Variants in TENM4 observed in about 807,000 individuals in gnomAD.
TENM4 encodes the protein teneurin transmembrane protein 4.
A neutral mutation model predicts 243.3 loss-of-function variants in TENM4; 82 were observed. The observed-to-expected ratio is 0.34, with a 90% confidence interval of 0.28 to 0.40. The LOEUF is 0.40. Ranked by LOEUF, TENM4 falls within the 10% of genes least tolerant of loss-of-function variation. TENM4 has a pLI of 1.00. For synonymous variants in TENM4, 1,412 were observed against 1,456.3 expected (o/e 0.97, Z 0.69); for missense variants, 3,138 against 3,673.3 (o/e 0.85, Z 3.77).
chr11:79,283,689 T>C (rs1357863221), intron 2 of TENM4, among the ~76,000 whole-genome samples: 4 of 152,234 alleles, frequency 2.6e-5, no homozygotes, highest in African/African-American at 4.8e-5. Context: ...CTTTGAATAC[T>C]GTACTGGAGG....
intron 33 of TENM4, among the ~76,000 whole-genome samples, chr11:78,660,006 C>T (rs946566866): frequency 6.6e-6 from 1 of 152,242 alleles, no homozygotes; most frequent in Non-Finnish European, 1.5e-5. Flanking sequence ...ATCTCCGATG[C>T]TTGCCAAGGG....
intron 1 of TENM4, among the ~76,000 whole-genome samples, chr11:79,371,443 A>G (rs1344001762): frequency 6.6e-6 from 1 of 152,142 alleles, no homozygotes; most frequent in African/African-American, 2.4e-5. Context: ...CACCTCTACC[A>G]GTTTGGGATA....
At chr11:79,173,974 T>A (rs1056339537) in intron 3 of TENM4, among the ~76,000 whole-genome samples, 17 of 152,242 alleles carry the variant, frequency 1.1e-4, no homozygotes, top group Non-Finnish European at 2.2e-4. Flanking sequence ...TGAAAACAGA[T>A]GGCCTTTTTG....
In TENM4 at chr11:79,343,368, T is replaced by C. The variant is rs561734981; in HGVS notation, c.-320-45825A>G. 8.5e-5 allele frequency among the ~76,000 whole-genome samples: 13 copies of C among 152,328 alleles called. No homozygotes were observed. In the South Asian group the frequency reaches 2.5e-3, roughly 29 times the overall value. On this transcript the variant is annotated intron_variant, in intron 1 of 33. Coordinates refer to ENST00000278550, the MANE Select transcript of TENM4 (RefSeq NM_001098816.3). ...GCAGCTTGGCCTACGGTTTCACAAA[T>C]GGAAAATGTTAGAGCTGGGTCACAC...
Position 78,657,252 on chromosome 11 carries a change from A to G in TENM4, c.*806T>C. On this transcript the variant is annotated 3_prime_UTR_variant, in exon 34 of 34. Coordinates refer to ENST00000278550, the MANE Select transcript of TENM4 (RefSeq NM_001098816.3). Reference sequence around the variant, plus strand: ...CATCCTGGGTGCTTTCCCTCCCGGGAGGATGGGACTCTGAGCCCAGGATGT... The same window carrying G: ...CATCCTGGGTGCTTTCCCTCCCGGGGGGATGGGACTCTGAGCCCAGGATGT... 1 of 398,636 alleles carries G rather than the reference A, an allele frequency of 2.5e-6. No homozygotes were observed. Among genetic ancestry groups the G allele is most frequent in the Non-Finnish European group, 4.4e-6 (1 of 226,150 alleles). The allele number at this position is 398,636 out of a possible 1,614,324, so 24.7% of individuals were successfully genotyped here.
intron 9 of TENM4, among the ~76,000 whole-genome samples, chr11:78,877,391 G>C (rs1360403550): frequency 6.6e-6 from 1 of 152,162 alleles, no homozygotes; most frequent in Non-Finnish European, 1.5e-5. Context: ...TATTTACTCA[G>C]TGCAAGAATA....
At chr11:79,240,954 CT>C (rs1864577250) in intron 2 of TENM4, among the ~76,000 whole-genome samples, 1 of 152,048 alleles carries the variant, frequency 6.6e-6, no homozygotes, top group Admixed American at 6.5e-5. Flanking sequence ...TGCTTTATTT[CT>C]TTTTTCATAT....
chr11:79,173,523 T>C (rs1233465077), intron 3 of TENM4, among the ~76,000 whole-genome samples: 1 of 152,186 alleles, frequency 6.6e-6, no homozygotes, highest in East Asian at 1.9e-4. Context: ...TTATCAAGCC[T>C]ATTTAGCTGT....
At position 78,657,879 on chromosome 11, in the gene TENM4, G is replaced by A. The variant is rs1481578921; in HGVS notation, c.*179C>T. The A allele has an allele frequency of 5.1e-6, 5 of 983,062 alleles. No individual in the cohort carries two copies. Among genetic ancestry groups the A allele is most frequent in the South Asian group, 1.4e-5 (1 of 69,974 alleles). 60.9% of individuals were successfully genotyped at this position (983,062 alleles called of 1,614,324 possible). ...CTTCTGTTCTTTGCAAAAAATGTGC[G>A]AAGGCCAAATCTGTGTTTTTCTTTT... is the stretch of plus-strand genomic sequence containing the variant. On this transcript the variant is annotated 3_prime_UTR_variant, in exon 34 of 34. Coordinates refer to ENST00000278550, the MANE Select transcript of TENM4 (RefSeq NM_001098816.3).
intron 15 of TENM4, among the ~76,000 whole-genome samples, chr11:78,795,838 C>CAGGA (rs1857150294): frequency 6.6e-6 from 1 of 152,190 alleles, no homozygotes; most frequent in African/African-American, 2.4e-5. Context: ...GTGCAGGTTT[C>CAGGA]AGGAAGAAGC....
intron 1 of TENM4, among the ~76,000 whole-genome samples, chr11:79,402,364 A>T (rs757338224): frequency 2.6e-5 from 4 of 152,242 alleles, no homozygotes; most frequent in Non-Finnish European, 5.9e-5. Flanking sequence ...AACATTTTAC[A>T]ACTTATTTTC....
chr11:78,716,376 T>C (rs1859521692), intron 25 of TENM4, among the ~76,000 whole-genome samples: 1 of 152,226 alleles, frequency 6.6e-6, no homozygotes, highest in Non-Finnish European at 1.5e-5. Context: ...GTTTATACTT[T>C]TAGTATCTGT....
chr11:78,829,870 A>G (rs1195830474), intron 12 of TENM4, among the ~76,000 whole-genome samples: 1 of 152,208 alleles, frequency 6.6e-6, no homozygotes, highest in Non-Finnish European at 1.5e-5. Flanking sequence ...GGCTCCTAGC[A>G]TACTGTGCAT....
chr11:79,383,272 C>T (rs1487211465), intron 1 of TENM4, among the ~76,000 whole-genome samples: 1 of 152,190 alleles, frequency 6.6e-6, no homozygotes, highest in Admixed American at 6.5e-5. Context: ...GCAGCCTCTC[C>T]ATCAGGCCTT....
At chr11:78,795,486 T>G (rs1006385246) in intron 15 of TENM4, among the ~76,000 whole-genome samples, 1 of 152,226 alleles carries the variant, frequency 6.6e-6, no homozygotes, top group Admixed American at 6.5e-5. Flanking sequence ...GCCTTATTTT[T>G]GTCATTTATA....
intron 6 of TENM4, among the ~76,000 whole-genome samples, chr11:78,922,523 G>A (rs1431916078): frequency 6.6e-6 from 1 of 152,178 alleles, no homozygotes; most frequent in South Asian, 2.1e-4. Flanking sequence ...TCCTACATGC[G>A]AAAAAAACAG....
chr11:79,016,800 A>G (rs1238323984), intron 6 of TENM4, among the ~76,000 whole-genome samples: 1 of 152,240 alleles, frequency 6.6e-6, no homozygotes, highest in Non-Finnish European at 1.5e-5. Flanking sequence ...TTGGTTCATC[A>G]AAAGACCCCA....
intron 4 of TENM4, among the ~76,000 whole-genome samples, chr11:79,112,509 T>G (rs1251166184): frequency 1.3e-5 from 2 of 151,730 alleles, no homozygotes; most frequent in East Asian, 3.9e-4. Flanking sequence ...GAGAGGTAGG[T>G]GGGTGGGAGA....
At chr11:79,294,955 G>A (rs1856423884) in intron 2 of TENM4, among the ~76,000 whole-genome samples, 1 of 152,148 alleles carries the variant, frequency 6.6e-6, no homozygotes, top group Non-Finnish European at 1.5e-5. Flanking sequence ...CATCTTCTAT[G>A]TAGACCACAA....
Sources: allele counts gnomAD v4.1 joint callset (sites outside exome capture counted in the v4.1 genomes callset), GRCh38; gene constraint gnomAD v4.1.1; transcripts MANE v1.5; gene names NCBI Gene and HGNC (gene_info 2026-07-23, HGNC 2026-07-21).